Variants in SAMD4A observed in about 807,000 individuals in gnomAD.
SAMD4A encodes the protein sterile alpha motif domain containing 4A.
Under a neutral mutation model 81.3 loss-of-function variants are expected in SAMD4A, and 33 were observed. The ratio of observed to expected loss-of-function variants is 0.41; its 90% CI spans 0.31 to 0.54. The LOEUF (loss-of-function observed/expected upper bound fraction) is 0.54. Among genes scored for constraint, SAMD4A ranks in the 20% least tolerant of loss-of-function variants. SAMD4A has a pLI of 0.37. For missense variants in SAMD4A, 854 were observed against 951.1 expected (o/e 0.90, Z 1.34); for synonymous variants, 389 against 382.1 (o/e 1.02, Z -0.21).
chr14:54,736,984 G>GT (rs778315360), intron 3 of SAMD4A, 40 bp from the exon 4 acceptor site: 1 of 1,587,610 alleles, frequency 6.3e-7, no homozygotes, highest in South Asian at 1.1e-5. Flanking sequence ...CCAGGATAAA[G>GT]GGGGGGGAAT....
At chr14:54,743,143 TC>T (rs761705977) in intron 4 of SAMD4A, among the ~76,000 whole-genome samples, 55 of 152,140 alleles carry the variant, frequency 3.6e-4, no homozygotes, top group Non-Finnish European at 7.2e-4. Flanking sequence ...GTCACAGAGG[TC>T]TGAGTGATGG....
chr14:54,733,201 T>C (rs1594872486), intron 3 of SAMD4A, among the ~76,000 whole-genome samples: 1 of 152,210 alleles, frequency 6.6e-6, no homozygotes, highest in Non-Finnish European at 1.5e-5. Context: ...TGTAGCAAGA[T>C]TACTTTTAAC....
chr14:54,645,458 C>T (rs2035266740), intron 2 of SAMD4A, among the ~76,000 whole-genome samples: 1 of 152,148 alleles, frequency 6.6e-6, no homozygotes, highest in African/African-American at 2.4e-5. Flanking sequence ...AGACTCTGCT[C>T]GTTTCTCTAA....
chr14:54,775,153 G>A lies in SAMD4A; in HGVS notation c.1917+18G>A. 1.2e-6 allele frequency: 2 copies of A among 1,614,140 alleles called. No homozygotes were observed. Among genetic ancestry groups the A allele is most frequent in the Non-Finnish European group, 1.7e-6 (2 of 1,179,966 alleles). On this transcript the variant is annotated intron_variant, in intron 10 of 12. Coordinates refer to ENST00000554335, the MANE Select transcript of SAMD4A (RefSeq NM_015589.6). ...GAAGACAGGTTTGTTCTGCCCCAAG[G>A]AAGGAGGAGGATGGCCAAGCTCAAG...
At position 54,774,482 on chromosome 14, in the gene SAMD4A, T is replaced by A. The variant is rs929200668; in HGVS notation, c.1716-452T>A. Among the ~76,000 whole-genome samples the A allele has an allele frequency of 1.1e-4, 17 of 152,000 alleles. No homozygotes were observed. In the South Asian group the frequency reaches 2.1e-3, roughly 19 times the overall value. On this transcript the variant is annotated intron_variant, in intron 9 of 12. Coordinates refer to ENST00000554335, the MANE Select transcript of SAMD4A (RefSeq NM_015589.6). ...ACTTTGAGAGGCCGAGGCAGGAGGA[T>A]CACTTGAGCTCAGGAGTTCCAGACC...
chr14:54,679,661 G>A (rs1278977521), intron 2 of SAMD4A, among the ~76,000 whole-genome samples: 3 of 152,186 alleles, frequency 2.0e-5, no homozygotes, highest in Non-Finnish European at 4.4e-5. Flanking sequence ...CTTTGGAAGT[G>A]GCGGGTGATG....
At chr14:54,752,075 A>T (rs984383277) in intron 6 of SAMD4A, among the ~76,000 whole-genome samples, 2 of 152,228 alleles carry the variant, frequency 1.3e-5, no homozygotes, top group African/African-American at 4.8e-5. Context: ...TCCAGGCTTT[A>T]ACTTAACAAC....
intron 2 of SAMD4A, among the ~76,000 whole-genome samples, chr14:54,674,916 T>C (rs568388704): frequency 1.3e-5 from 2 of 152,228 alleles, no homozygotes; most frequent in South Asian, 2.1e-4. Flanking sequence ...GCCCAGCGAA[T>C]TTTGAAATTT....
intron 2 of SAMD4A, among the ~76,000 whole-genome samples, chr14:54,614,978 C>T (rs1324763504): frequency 1.3e-5 from 2 of 152,100 alleles, no homozygotes; most frequent in Non-Finnish European, 2.9e-5. Context: ...TGGTAGTATG[C>T]CCAGTGTGTG....
rs1038360854 is a variant in SAMD4A, at chr14:54,760,218, C to T, written c.1234C>T (p.Leu412=). ...IPLQELHQMI[L]TPIKAYSSPS... ...GCTCCAGGAACTGCACCAGATGATC[C>T]TGACTCCGATCAAGGCCTACAGCTC... Residue 412 remains leucine (L), a synonymous_variant, in exon 7 of 13, where the codon CTG becomes TTG. Transcript: ENST00000554335. 3.1e-6 allele frequency: 5 copies of T among 1,613,496 alleles called. No homozygotes were observed. Among genetic ancestry groups the T allele is most frequent in the Non-Finnish European group, 4.2e-6 (5 of 1,179,950 alleles).
chr14:54,757,713 T>C (rs1021116401), intron 6 of SAMD4A, among the ~76,000 whole-genome samples: 2 of 152,120 alleles, frequency 1.3e-5, no homozygotes, highest in African/African-American at 4.8e-5. Flanking sequence ...TAGCCCCTCT[T>C]CATGGGGAAG....
intron 2 of SAMD4A, chr14:54,681,943 G>A: frequency 2.0e-6 from 2 of 985,436 alleles, no homozygotes; most frequent in Non-Finnish European, 2.4e-6. Flanking sequence ...AGGAGGAAAT[G>A]CAGAGCCATT....
At chr14:54,773,495 A>C (rs2038758057) in intron 9 of SAMD4A, among the ~76,000 whole-genome samples, 1 of 152,240 alleles carries the variant, frequency 6.6e-6, no homozygotes, top group Non-Finnish European at 1.5e-5. Context: ...CTGGTTCCTG[A>C]AACCCTGCCG....
chr14:54,570,152 C>G (rs2033087866), intron 2 of SAMD4A, among the ~76,000 whole-genome samples: 1 of 152,160 alleles, frequency 6.6e-6, no homozygotes, highest in Non-Finnish European at 1.5e-5. Flanking sequence ...GACGTTTTGC[C>G]TGCATGGAAA....
At chr14:54,705,934 A>G (rs1355894394) in intron 3 of SAMD4A, among the ~76,000 whole-genome samples, 1 of 152,240 alleles carries the variant, frequency 6.6e-6, no homozygotes, top group African/African-American at 2.4e-5. Flanking sequence ...AAAGTGCAGT[A>G]AAATAATACT....
chr14:54,669,814 C>T (rs923120638), intron 2 of SAMD4A, among the ~76,000 whole-genome samples: 4 of 152,146 alleles, frequency 2.6e-5, no homozygotes, highest in Non-Finnish European at 4.4e-5. Context: ...GATGACGTTG[C>T]CAGCATGCAG....
intron 2 of SAMD4A, among the ~76,000 whole-genome samples, chr14:54,686,112 G>A (rs2036261664): frequency 6.6e-6 from 1 of 152,206 alleles, no homozygotes; most frequent in Non-Finnish European, 1.5e-5. Context: ...AATCCCTCAT[G>A]TCTGCCTAGA....
intron 3 of SAMD4A, among the ~76,000 whole-genome samples, chr14:54,733,604 T>A (rs7151370): frequency 0.22 from 32,717 of 151,908 alleles, 4,028 homozygotes; most frequent in African/African-American, 0.34. Context: ...CAATTTCTAA[T>A]CTAGGTTGAG....
At chr14:54,754,464 A>G (rs372041648) in intron 6 of SAMD4A, among the ~76,000 whole-genome samples, 133 of 152,286 alleles carry the variant, frequency 8.7e-4, no homozygotes, top group African/African-American at 3.1e-3. Context: ...GACATCCTGT[A>G]TATTGTCCCT....
Sources: gnomAD v4.1 joint callset for allele counts (sites outside exome capture counted in the v4.1 genomes callset) on GRCh38, gnomAD v4.1.1 for gene constraint, MANE v1.5 for transcripts, NCBI Gene and HGNC (gene_info 2026-07-23, HGNC 2026-07-21) for gene names.